The following PDE10A variants were observed in gnomAD, a reference collection of about 807,000 sequenced individuals.
The protein encoded by PDE10A is phosphodiesterase 10A, also known as cAMP and cAMP-inhibited cGMP 3',5'-cyclic phosphodiesterase 10A.
A neutral mutation model predicts 97.7 loss-of-function variants in PDE10A; 39 were observed. The observed-to-expected ratio is 0.40, with a 90% CI of 0.31 to 0.52. The LOEUF (loss-of-function observed/expected upper bound fraction) is 0.52, where lower values mean the gene tolerates loss of function less well. Ranked by LOEUF, PDE10A falls within the 20% of genes least tolerant of loss-of-function variation. The probability of loss-of-function intolerance (pLI) is 0.56; values close to 1 mark genes in which losing one functional copy is unlikely to be tolerated. For missense variants in PDE10A, 731 were observed against 1,047.8 expected (o/e 0.70, Z 4.17); for synonymous variants, 371 against 376.8 (o/e 0.98, Z 0.18).
rs552246201 is a variant in PDE10A, at chr6:165,467,811, T to A, written c.1023+14504A>T. On this transcript the variant is annotated intron_variant, in intron 3 of 21. Transcript: ENST00000539869. ...CAGGGTTTGAAAGGATGAACCCCAA[T>A]GTTCTACTGTGGGCAAAAATACTTT... is the stretch of plus-strand genomic sequence containing the variant. 2.0e-5 allele frequency among the ~76,000 whole-genome samples: 3 copies of A among 152,308 alleles called. No homozygotes were observed. The South Asian group carries it at 6.2e-4, about 32-fold the overall frequency.
chr6:165,432,189 A>G (rs1056420856), intron 7 of PDE10A, among the ~76,000 whole-genome samples: 2 of 152,216 alleles, frequency 1.3e-5, no homozygotes, highest in African/African-American at 4.8e-5. Context: ...GTAGCATATA[A>G]TATATTAGAT....
chr6:165,812,093 CT>C (rs1160973822), intron 1 of PDE10A, among the ~76,000 whole-genome samples: 1 of 152,146 alleles, frequency 6.6e-6, no homozygotes, highest in Admixed American at 6.5e-5. Flanking sequence ...ACCTCATGAT[CT>C]GCCCACCTCG....
At chr6:165,428,769 C>T (rs1789344965) in intron 9 of PDE10A, 60 bp from the exon 10 acceptor site, 2 of 625,888 alleles carry the variant, frequency 3.2e-6, no homozygotes, top group Non-Finnish European at 5.6e-6. Context: ...ACATATTACA[C>T]TTTGAATTCA....
intron 1 of PDE10A, among the ~76,000 whole-genome samples, chr6:165,927,586 C>T (rs1000383505): frequency 7.0e-6 from 1 of 141,976 alleles, no homozygotes; most frequent in Non-Finnish European, 1.5e-5. Context: ...TGTATTTTCT[C>T]TTGCTTATAT....
intron 1 of PDE10A, among the ~76,000 whole-genome samples, chr6:165,879,148 A>G (rs1781414793): frequency 1.3e-5 from 2 of 152,198 alleles, no homozygotes; most frequent in Non-Finnish European, 2.9e-5. Flanking sequence ...GCACCTGCTA[A>G]ATTGGGACAG....
At chr6:165,443,915 C>T (rs1790653934) in intron 5 of PDE10A, among the ~76,000 whole-genome samples, 1 of 151,960 alleles carries the variant, frequency 6.6e-6, no homozygotes, top group South Asian at 2.1e-4. Flanking sequence ...GAGACATTTT[C>T]CCTATTGTCT....
At chr6:165,367,173 A>G (rs1783825412) in intron 18 of PDE10A, among the ~76,000 whole-genome samples, 1 of 152,008 alleles carries the variant, frequency 6.6e-6, no homozygotes, top group Non-Finnish European at 1.5e-5. Flanking sequence ...CATAGCAGCT[A>G]TAAAAATGAA....
intron 1 of PDE10A, among the ~76,000 whole-genome samples, chr6:165,776,832 C>T (rs1016433434): frequency 5.9e-5 from 9 of 152,194 alleles, no homozygotes; most frequent in Non-Finnish European, 8.8e-5. Flanking sequence ...AGAGATGGTG[C>T]AACTGAGGCC....
intron 1 of PDE10A, among the ~76,000 whole-genome samples, chr6:165,680,057 T>C (rs1583770013): frequency 1.3e-5 from 2 of 152,042 alleles, no homozygotes; most frequent in Admixed American, 1.3e-4. Context: ...TACTGTTGGG[T>C]ACTGTGGGGT....
chr6:165,952,348 C>T (rs947432036), intron 1 of PDE10A, among the ~76,000 whole-genome samples: 3 of 152,208 alleles, frequency 2.0e-5, no homozygotes, highest in African/African-American at 4.8e-5. Context: ...GCATACATTA[C>T]GTATTATCTT....
At chr6:165,791,361 CCTT>C (rs936556374) in intron 1 of PDE10A, among the ~76,000 whole-genome samples, 85 of 152,224 alleles carry the variant, frequency 5.6e-4, no homozygotes, top group African/African-American at 2.0e-3. Context: ...TGCAGAATGT[CCTT>C]CTTCTTAAGG....
intron 1 of PDE10A, among the ~76,000 whole-genome samples, chr6:165,712,340 G>A (rs74810556): frequency 0.011 from 1,709 of 152,290 alleles, 32 homozygotes; most frequent in African/African-American, 0.04. Context: ...CGTGATGTGC[G>A]GCTTGCTGCC....
chr6:165,758,838 A>C (rs1001083982), intron 1 of PDE10A, among the ~76,000 whole-genome samples: 14 of 152,244 alleles, frequency 9.2e-5, no homozygotes, highest in African/African-American at 3.4e-4. Flanking sequence ...TCTCCACTTA[A>C]ATGGCTTACA....
chr6:165,900,807 C>G (rs1471436635), intron 1 of PDE10A, among the ~76,000 whole-genome samples: 1 of 152,214 alleles, frequency 6.6e-6, no homozygotes, highest in Non-Finnish European at 1.5e-5. Context: ...TCATATCTAT[C>G]CAACATACTC....
chr6:165,676,333 C>T (rs1790795168), intron 1 of PDE10A, among the ~76,000 whole-genome samples: 1 of 152,212 alleles, frequency 6.6e-6, no homozygotes, highest in Admixed American at 6.5e-5. Flanking sequence ...CACCACTATG[C>T]ACCATTTCCA....
chr6:165,429,847 T>C (rs888372494), intron 9 of PDE10A, among the ~76,000 whole-genome samples: 2 of 151,970 alleles, frequency 1.3e-5, no homozygotes, highest in African/African-American at 2.4e-5. Context: ...TTCTCAGAAA[T>C]GATAACTGAG....
At chr6:165,885,985 C>T (rs1246806573) in intron 1 of PDE10A, among the ~76,000 whole-genome samples, 7 of 152,198 alleles carry the variant, frequency 4.6e-5, no homozygotes, top group East Asian at 1.9e-4. Flanking sequence ...TATGTGTATT[C>T]GTCTCCTCGA....
intron 19 of PDE10A, among the ~76,000 whole-genome samples, chr6:165,342,689 T>A (rs1298766578): frequency 6.6e-6 from 1 of 152,236 alleles, no homozygotes; most frequent in Non-Finnish European, 1.5e-5. Context: ...CTCAAAAGAT[T>A]TACAGCTTTC....
At chr6:165,501,353 A>C (rs1006164754) in intron 2 of PDE10A, among the ~76,000 whole-genome samples, 1 of 152,154 alleles carries the variant, frequency 6.6e-6, no homozygotes, top group African/African-American at 2.4e-5. Context: ...CGAGGTCAGG[A>C]GATCGAGACC....
Sources: allele counts gnomAD v4.1 joint callset (sites outside exome capture counted in the v4.1 genomes callset), GRCh38; gene constraint gnomAD v4.1.1; transcripts MANE v1.5; gene names NCBI Gene and HGNC (gene_info 2026-07-23, HGNC 2026-07-21).